CELF2: variants seen among roughly 807,000 people sequenced by gnomAD.
The protein encoded by CELF2 is CUGBP Elav-like family member 2, also known as CUG triplet repeat RNA-binding protein 2.
Under a neutral mutation model 62.6 loss-of-function variants are expected in CELF2, and 8 were observed. That is an observed-to-expected ratio of 0.13 (90% CI 0.07 to 0.23). CELF2 has a LOEUF of 0.23. Ranked by LOEUF, CELF2 falls within the 10% of genes least tolerant of loss-of-function variation. The pLI is 1.00. For synonymous variants in CELF2, 258 were observed against 250.0 expected (o/e 1.03, Z -0.30); for missense variants, 333 against 671.0 (o/e 0.50, Z 5.56).
At position 10,833,013 on chromosome 10, in the gene CELF2, CTGTGTGTGTG is replaced by C. The variant is rs71378768; in HGVS notation, c.53+34226_53+34235del. Reference sequence around the variant, plus strand: ...GAGCCTCCTACAGACACAGAAAACTCTGTGTGTGTGTGTGTGTGTGTGTGTGTGTGTGTGT... The same window carrying C: ...GAGCCTCCTACAGACACAGAAAACTCTGTGTGTGTGTGTGTGTGTGTGTGT... On this transcript the variant is annotated intron_variant, in intron 1 of 13. Coordinates refer to the CELF2 transcript ENST00000636488. Among the ~76,000 whole-genome samples the C allele has an allele frequency of 3.5e-3, 503 of 144,576 alleles. 2 individuals are homozygous for C. The highest frequency in any genetic ancestry group is 0.012 in the African/African-American group (448 of 38,778). The allele number at this position is 144,576 out of a possible 152,430, so 94.8% of individuals were successfully genotyped here.
At chr10:10,735,719 T>C in the CELF2 span, among the ~76,000 whole-genome samples, 1 of 152,260 alleles carries the variant, frequency 6.6e-6, no homozygotes, top group African/African-American at 2.4e-5. Flanking sequence ...GACCCATTTG[T>C]CCTTGTTTGC....
chr10:11,072,357 A>G (rs1381970372), intron 1 of CELF2, among the ~76,000 whole-genome samples: 1 of 152,174 alleles, frequency 6.6e-6, no homozygotes, highest in East Asian at 1.9e-4. Flanking sequence ...TCACTATGTG[A>G]GACTCAAGTC....
intron 1 of CELF2, among the ~76,000 whole-genome samples, chr10:10,868,661 C>G (rs2060534859): frequency 6.6e-6 from 1 of 152,174 alleles, no homozygotes; most frequent in African/African-American, 2.4e-5. Context: ...GGAAACTCTC[C>G]TAGTTTTCAT....
At chr10:10,942,979 C>T (rs757632737) in intron 2 of CELF2, among the ~76,000 whole-genome samples, 1 of 152,154 alleles carries the variant, frequency 6.6e-6, no homozygotes, top group Non-Finnish European at 1.5e-5. Context: ...CAGGGCAGGA[C>T]CCACAAGTAT....
At chr10:11,005,289 A>AGAGAGG (rs1564349003), upstream of CELF2, 26 of 1,556,760 alleles carry the variant, frequency 1.7e-5, no homozygotes, top group South Asian at 8.0e-5. This position sits in a 1 kb window ranked among gnomAD's most constrained non-coding sequence, Gnocchi z 4.3. Flanking sequence ...AGAGAGAGAG[A>AGAGAGG]GAGAGGGAGG....
chr10:10,469,504 G>A, the CELF2 span, among the ~76,000 whole-genome samples: 19 of 151,824 alleles, frequency 1.3e-4, no homozygotes, highest in Admixed American at 2.6e-4. Context: ...GAGAGTTTTC[G>A]TAATGAAAGA....
the CELF2 span, among the ~76,000 whole-genome samples, chr10:10,729,572 A>G: frequency 1.3e-5 from 2 of 152,042 alleles, no homozygotes; most frequent in African/African-American, 4.8e-5. Context: ...GCACCACTAC[A>G]CTCCAGCCTG....
chr10:11,136,386 T>G (rs1447541314), intron 1 of CELF2, among the ~76,000 whole-genome samples: 2 of 152,198 alleles, frequency 1.3e-5, no homozygotes, highest in Non-Finnish European at 2.9e-5. Context: ...GTGGATCACC[T>G]GAGGTCAGGA....
intron 4 of CELF2, among the ~76,000 whole-genome samples, chr10:11,252,909 G>T (rs2077567643): frequency 6.6e-6 from 1 of 152,162 alleles, no homozygotes; most frequent in Non-Finnish European, 1.5e-5. Context: ...GGCGGGACAG[G>T]CAGGGCTTTT....
chr10:10,871,788 G>A (rs988348337), intron 1 of CELF2, among the ~76,000 whole-genome samples: 1 of 152,136 alleles, frequency 6.6e-6, no homozygotes, highest in Admixed American at 6.5e-5. Context: ...GGACCACTGG[G>A]AGCTGAAGGA....
chr10:11,282,473 G>C (rs1311308182), intron 8 of CELF2, among the ~76,000 whole-genome samples: 1 of 152,372 alleles, frequency 6.6e-6, no homozygotes, highest in East Asian at 1.9e-4. Flanking sequence ...AGGAACCCTA[G>C]TAGCAGAGCA....
the CELF2 span, among the ~76,000 whole-genome samples, chr10:10,522,372 G>T: frequency 6.6e-6 from 1 of 152,104 alleles, no homozygotes; most frequent in African/African-American, 2.4e-5. Context: ...TCGGCATGCC[G>T]ATTGGAATTG....
At chr10:10,768,374 C>A in the CELF2 span, among the ~76,000 whole-genome samples, 14 of 151,834 alleles carry the variant, frequency 9.2e-5, no homozygotes, top group African/African-American at 3.4e-4. Flanking sequence ...GCAACGTGTT[C>A]GCAGGTTACA....
At position 11,288,539 on chromosome 10, in the gene CELF2, C is replaced by T. The variant is rs2091892946; in HGVS notation, c.963C>T (p.Ala321=). The change falls in exon 9 of 13, where the codon GCC becomes GCT. Residue 321 remains alanine (A), a synonymous_variant. Coordinates refer to ENST00000633077, the MANE Select transcript of CELF2 (RefSeq NM_001326342.2). Reference sequence around the variant, plus strand: ...CTACCACGAGCAGCGCCCTGGGAGCCCTCACGAGTCCCGGTGAGTGTGGGG... The same window carrying T: ...CTACCACGAGCAGCGCCCTGGGAGCTCTCACGAGTCCCGGTGAGTGTGGGG... ...PLSTTSSALG[A]LTSPVAASTP... is the part of the protein sequence containing the mutation. The T allele has an allele frequency of 6.2e-7, 1 of 1,613,688 alleles. No homozygotes were observed. The highest frequency in any genetic ancestry group is 1.7e-5 in the Admixed American group (1 of 60,004).
chr10:11,317,586 C>T lies in CELF2; in HGVS notation c.1096+3328C>T, dbSNP rs555265390. 2.0e-5 allele frequency: 3 copies of T among 152,372 alleles called. No homozygotes were observed. The East Asian group carries it at 5.8e-4, about 29-fold the overall frequency. The allele number at this position is 152,372 out of a possible 1,614,324, so 9.4% of individuals were successfully genotyped here. ...CCTTTTTCTTTGATTTGGGATAAAG[C>T]CTAGCAGGGCAGCTTGCAGGGAATG... On this transcript the variant is annotated intron_variant, in intron 10 of 12. Coordinates refer to ENST00000633077, the MANE Select transcript of CELF2 (RefSeq NM_001326342.2).
chr10:10,751,331 C>T, the CELF2 span, among the ~76,000 whole-genome samples: 1 of 152,226 alleles, frequency 6.6e-6, no homozygotes, highest in Admixed American at 6.5e-5. Flanking sequence ...AAACAGCTGA[C>T]TTCAGTCTGG....
the CELF2 span, among the ~76,000 whole-genome samples, chr10:10,540,003 G>A: frequency 6.6e-6 from 1 of 152,140 alleles, no homozygotes; most frequent in Non-Finnish European, 1.5e-5. Context: ...AGGGAGAATT[G>A]GACTTTGCTG....
In CELF2 at chr10:11,219,575, G is replaced by A. The variant is rs572924203; in HGVS notation, c.354+2068G>A. On this transcript the variant is annotated intron_variant, in intron 3 of 12. Coordinates refer to ENST00000633077, the MANE Select transcript of CELF2 (RefSeq NM_001326342.2). Reference sequence around the variant, plus strand: ...TCAGATCTGATTTGTAAGGCTGATAGCCTTTCCAGTGCACACACTTGCTAC... The same window carrying A: ...TCAGATCTGATTTGTAAGGCTGATAACCTTTCCAGTGCACACACTTGCTAC... Among the ~76,000 whole-genome samples the A allele has an allele frequency of 5.9e-5, 9 of 152,304 alleles. No homozygotes were observed. In the South Asian group the frequency reaches 1.2e-3, roughly 21 times the overall value.
At chr10:11,116,395 T>C (rs2056573707) in intron 1 of CELF2, among the ~76,000 whole-genome samples, 1 of 152,248 alleles carries the variant, frequency 6.6e-6, no homozygotes, top group Non-Finnish European at 1.5e-5. Context: ...AGCCTGTGCA[T>C]GTTCACACAC....
Sources: gnomAD v4.1 joint callset for allele counts (sites outside exome capture counted in the v4.1 genomes callset) on GRCh38, gnomAD v4.1.1 for gene constraint, Gnocchi (gnomAD v3.1) non-coding constraint, MANE v1.5 for transcripts, NCBI Gene and HGNC (gene_info 2026-07-23, HGNC 2026-07-21) for gene names.